MAPKAP1: variants seen among roughly 807,000 people sequenced by gnomAD.
The protein encoded by MAPKAP1 is target of rapamycin complex 2 subunit MAPKAP1.
A neutral mutation model predicts 65.7 loss-of-function variants in MAPKAP1; 20 were observed. That is an observed-to-expected ratio of 0.30 (90% CI 0.21 to 0.44). MAPKAP1 has a LOEUF of 0.44. Among genes scored for constraint, MAPKAP1 ranks in the 20% least tolerant of loss-of-function variants. MAPKAP1 has a pLI of 1.00. For missense variants in MAPKAP1, 423 were observed against 648.0 expected, an observed-to-expected ratio of 0.65 and a Z score of 3.77; for synonymous variants, 222 against 244.3, an observed-to-expected ratio of 0.91 and a Z score of 0.85.
intron 2 of MAPKAP1, among the ~76,000 whole-genome samples, chr9:125,670,178 T>C (rs944612371): frequency 6.6e-6 from 1 of 152,120 alleles, no homozygotes; most frequent in Admixed American, 6.5e-5. Context: ...ATGTGAAAAC[T>C]TCTGTGATTA....
chr9:125,491,413 C>T (rs147733874), intron 8 of MAPKAP1, among the ~76,000 whole-genome samples: 38 of 152,098 alleles, frequency 2.5e-4, no homozygotes, highest in African/African-American at 7.0e-4. Context: ...TGCACTCTAG[C>T]CTGGGTAACA....
intron 3 of MAPKAP1, among the ~76,000 whole-genome samples, chr9:125,669,259 T>C (rs941722394): frequency 3.3e-5 from 5 of 151,314 alleles, no homozygotes; most frequent in African/African-American, 1.2e-4. Flanking sequence ...GGTGGGTGGA[T>C]TACTGGAGGT....
chr9:125,445,755 G>A (rs916129282), intron 10 of MAPKAP1, among the ~76,000 whole-genome samples: 7 of 152,254 alleles, frequency 4.6e-5, no homozygotes, highest in African/African-American at 1.4e-4. Context: ...CCGGCCTATC[G>A]GCACTGTTAT....
intron 10 of MAPKAP1, among the ~76,000 whole-genome samples, chr9:125,461,904 A>G (rs1853510588): frequency 1.3e-5 from 2 of 152,084 alleles, no homozygotes; most frequent in Non-Finnish European, 2.9e-5. Flanking sequence ...TGCCTCACCT[A>G]CTGGGCCCTC....
At chr9:125,571,464 T>C (rs1287404299) in intron 5 of MAPKAP1, among the ~76,000 whole-genome samples, 1 of 152,238 alleles carries the variant, frequency 6.6e-6, no homozygotes, top group East Asian at 1.9e-4. Context: ...AAAACTCTTA[T>C]GAAGAGCTGG....
chr9:125,584,938 T>A (rs1482990399), intron 5 of MAPKAP1, among the ~76,000 whole-genome samples: 1 of 152,202 alleles, frequency 6.6e-6, no homozygotes, highest in Admixed American at 6.5e-5. Flanking sequence ...AATTATTTAA[T>A]GAAGAACAGA....
chr9:125,615,483 A>G (rs934907745), intron 4 of MAPKAP1, among the ~76,000 whole-genome samples: 15 of 151,340 alleles, frequency 9.9e-5, no homozygotes, highest in African/African-American at 3.2e-4. Context: ...ACCTGAGGTC[A>G]GGAGTTCAAG....
intron 4 of MAPKAP1, among the ~76,000 whole-genome samples, chr9:125,639,542 G>A (rs985190635): frequency 2.6e-5 from 4 of 151,998 alleles, no homozygotes; most frequent in African/African-American, 4.8e-5. Context: ...TTCTCCCTCC[G>A]TCCCACCTAA....
At chr9:125,524,335 CA>C (rs1829703197) in intron 7 of MAPKAP1, among the ~76,000 whole-genome samples, 1 of 152,212 alleles carries the variant, frequency 6.6e-6, no homozygotes, top group South Asian at 2.1e-4. Context: ...ATTTCTAACT[CA>C]TGTGGTTATT....
chr9:125,672,712 ACATT>A lies in MAPKAP1; in HGVS notation c.-69-73_-69-70del, dbSNP rs1435147701. On this transcript the variant is annotated intron_variant, in intron 1 of 11. Coordinates refer to ENST00000265960, the MANE Select transcript of MAPKAP1 (RefSeq NM_001006617.3). ...AAAATGACTGAATCATTTTTCAGAC[ACATT>A]CAGTGTAGTAAAATGCCACCTTGAA... The A allele has an allele frequency of 1.3e-5, 13 of 981,886 alleles. No homozygotes were observed. The African/African-American group carries it at 2.1e-4, about 16-fold the overall frequency. 60.8% of individuals were successfully genotyped at this position (981,886 alleles called of 1,614,324 possible).
chr9:125,545,248 C>G (rs1349670796), intron 6 of MAPKAP1, among the ~76,000 whole-genome samples: 1 of 152,180 alleles, frequency 6.6e-6, no homozygotes, highest in Non-Finnish European at 1.5e-5. Context: ...TTTTAAAAAA[C>G]TATATTTAGG....
intron 4 of MAPKAP1, among the ~76,000 whole-genome samples, chr9:125,639,982 C>G (rs1404646426): frequency 6.6e-6 from 1 of 152,162 alleles, no homozygotes; most frequent in African/African-American, 2.4e-5. Context: ...AAGATTCCAG[C>G]CAGGTTCTCC....
chr9:125,618,371 A>G (rs1036117269), intron 4 of MAPKAP1, among the ~76,000 whole-genome samples: 3 of 138,802 alleles, frequency 2.2e-5, no homozygotes, highest in Admixed American at 7.4e-5. Context: ...AAAAAAAAAA[A>G]GGCAATAGGC....
chr9:125,498,269 A>G (rs1828865901), intron 8 of MAPKAP1, among the ~76,000 whole-genome samples: 1 of 152,364 alleles, frequency 6.6e-6, no homozygotes, highest in East Asian at 1.9e-4. Flanking sequence ...CATAGCATAT[A>G]AAGACAATTG....
Position 125,484,589 on chromosome 9 carries a change from G to A in MAPKAP1, c.1067-6C>T. 6.2e-7 allele frequency: 1 copy of A among 1,605,222 alleles called. No individual in the cohort carries two copies. The highest frequency in any genetic ancestry group is 8.5e-7 in the Non-Finnish European group (1 of 1,175,856). On this transcript the variant is annotated splice_region_variant and splice_polypyrimidine_tract_variant and intron_variant, in intron 8 of 11. Transcript: ENST00000265960. ...AACCCCGTCTGCCCTTGAACCTGGGGAGGAAAAGGCAGTTTAACACATAAA... is the reference window on the plus strand; with the variant it reads ...AACCCCGTCTGCCCTTGAACCTGGGAAGGAAAAGGCAGTTTAACACATAAA...
At chr9:125,638,818 A>G (rs1300544985) in intron 4 of MAPKAP1, among the ~76,000 whole-genome samples, 2 of 152,252 alleles carry the variant, frequency 1.3e-5, no homozygotes, top group Non-Finnish European at 2.9e-5. Flanking sequence ...ATTCACTTGC[A>G]AAAGGATTTT....
intron 4 of MAPKAP1, among the ~76,000 whole-genome samples, chr9:125,621,186 C>T (rs540277689): frequency 6.6e-6 from 1 of 152,014 alleles, no homozygotes; most frequent in African/African-American, 2.4e-5. Flanking sequence ...GCAGGAGGAT[C>T]ACTTGAGCCT....
chr9:125,626,526 G>T (rs548253817), intron 4 of MAPKAP1, among the ~76,000 whole-genome samples: 21 of 152,174 alleles, frequency 1.4e-4, no homozygotes, highest in Non-Finnish European at 2.9e-4. Flanking sequence ...AATTAAATAA[G>T]ATTAAAAACA....
chr9:125,470,067 G>A (rs758640330), intron 9 of MAPKAP1, among the ~76,000 whole-genome samples: 1 of 152,042 alleles, frequency 6.6e-6, no homozygotes, highest in African/African-American at 2.4e-5. Context: ...AGAAAGAATG[G>A]GGAAAAATAT....
Sources: allele counts gnomAD v4.1 joint callset (sites outside exome capture counted in the v4.1 genomes callset), GRCh38; gene constraint gnomAD v4.1.1; transcripts MANE v1.5; gene names NCBI Gene and HGNC (gene_info 2026-07-23, HGNC 2026-07-21).